Variants in MAGI1 observed in about 807,000 individuals in gnomAD.
MAGI1 encodes the protein membrane-associated guanylate kinase, WW and PDZ domain-containing protein 1.
A neutral mutation model predicts 139.9 loss-of-function variants in MAGI1; 58 were observed. That is an observed-to-expected ratio of 0.41 (90% CI 0.34 to 0.52). The LOEUF (loss-of-function observed/expected upper bound fraction) is 0.52. Ranked by LOEUF, MAGI1 falls within the 20% of genes least tolerant of loss-of-function variation. The pLI is 0.12. For synonymous variants in MAGI1, 812 were observed against 737.9 expected (o/e 1.10, Z -1.63); for missense variants, 1,874 against 1,901.6 (o/e 0.99, Z 0.27).
At chr3:65,560,424 A>G (rs562203243) in intron 2 of MAGI1, among the ~76,000 whole-genome samples, 1 of 152,284 alleles carries the variant, frequency 6.6e-6, no homozygotes, top group South Asian at 2.1e-4. Flanking sequence ...TATACCTACT[A>G]TGGACCCACG....
intron 1 of MAGI1, among the ~76,000 whole-genome samples, chr3:65,711,699 T>A (rs1001858470): frequency 6.6e-6 from 1 of 152,168 alleles, no homozygotes; most frequent in African/African-American, 2.4e-5. Flanking sequence ...AGAATGAGCA[T>A]GTATCCAGCA....
intron 1 of MAGI1, among the ~76,000 whole-genome samples, chr3:65,981,207 G>C (rs909011499): frequency 1.8e-4 from 28 of 151,628 alleles, no homozygotes; most frequent in Non-Finnish European, 3.5e-4. Flanking sequence ...AGTCACACTA[G>C]CCACATTTAT....
intron 1 of MAGI1, among the ~76,000 whole-genome samples, chr3:65,786,251 CTTTTT>C (rs3077812): frequency 2.6e-5 from 3 of 114,828 alleles, no homozygotes; most frequent in East Asian, 2.6e-4. Context: ...CCAATCATAA[CTTTTT>C]TTTTTTTTTT....
intron 1 of MAGI1, among the ~76,000 whole-genome samples, chr3:65,708,004 T>G (rs1407172940): frequency 1.3e-5 from 2 of 152,284 alleles, no homozygotes; most frequent in African/African-American, 4.8e-5. Context: ...TCTACACACT[T>G]TAAAAGCATC....
chr3:65,635,566 G>A (rs920767215), intron 1 of MAGI1, among the ~76,000 whole-genome samples: 1 of 152,168 alleles, frequency 6.6e-6, no homozygotes, highest in Non-Finnish European at 1.5e-5. Context: ...ACTCAGCCAA[G>A]GCATAAGAGC....
chr3:65,461,557 T>C (rs2107537192), intron 5 of MAGI1, among the ~76,000 whole-genome samples: 1 of 150,940 alleles, frequency 6.6e-6, no homozygotes, highest in East Asian at 2.0e-4. Flanking sequence ...GGCGTGATCT[T>C]GGCTCACTGC....
chr3:65,849,942 T>C (rs991122677), intron 1 of MAGI1, among the ~76,000 whole-genome samples: 1 of 152,196 alleles, frequency 6.6e-6, no homozygotes, highest in Non-Finnish European at 1.5e-5. Context: ...TTCTCTGAAA[T>C]GCAGATAAAT....
intron 1 of MAGI1, among the ~76,000 whole-genome samples, chr3:65,993,793 T>C (rs138739346): frequency 1.7e-4 from 26 of 152,230 alleles, no homozygotes; most frequent in Middle Eastern, 3.4e-3. Flanking sequence ...GTAAGTCAAC[T>C]TCTCCCAGGT....
intron 1 of MAGI1, among the ~76,000 whole-genome samples, chr3:66,034,731 T>C (rs186945541): frequency 2.2e-3 from 328 of 152,306 alleles, no homozygotes; most frequent in Non-Finnish European, 4.0e-3. Context: ...CAATGGAATA[T>C]TACTTAGCAA....
At chr3:65,843,180 T>G (rs77807357) in intron 1 of MAGI1, among the ~76,000 whole-genome samples, 1,876 of 152,308 alleles carry the variant, frequency 0.012, 46 homozygotes, top group African/African-American at 0.04. Flanking sequence ...AAGATTGTCT[T>G]CTGTCTTAGG....
intron 2 of MAGI1, among the ~76,000 whole-genome samples, chr3:65,533,369 T>C (rs1435199950): frequency 2.0e-5 from 3 of 152,154 alleles, no homozygotes; most frequent in Non-Finnish European, 4.4e-5. Flanking sequence ...AATCAAATAC[T>C]GAAGGAATAG....
chr3:65,446,297 C>T (rs1948668267), intron 7 of MAGI1, among the ~76,000 whole-genome samples: 1 of 152,154 alleles, frequency 6.6e-6, no homozygotes, highest in African/African-American at 2.4e-5. Flanking sequence ...ACTCTTTTGG[C>T]CCCTCTTTAT....
At chr3:65,679,364 A>G (rs1200036932) in intron 1 of MAGI1, among the ~76,000 whole-genome samples, 1 of 152,110 alleles carries the variant, frequency 6.6e-6, no homozygotes, top group African/African-American at 2.4e-5. Flanking sequence ...TCTTTGATAA[A>G]TTTCATCACT....
chr3:65,761,066 T>A (rs964155310), intron 1 of MAGI1, among the ~76,000 whole-genome samples: 4 of 152,130 alleles, frequency 2.6e-5, no homozygotes, highest in Non-Finnish European at 5.9e-5. Flanking sequence ...TACGCAGATA[T>A]CTGAGGATGA....
At chr3:65,575,906 C>T (rs1335210941) in intron 2 of MAGI1, among the ~76,000 whole-genome samples, 1 of 152,078 alleles carries the variant, frequency 6.6e-6, no homozygotes, top group African/African-American at 2.4e-5. Flanking sequence ...TCGGGAGATA[C>T]AGGGTAGAGG....
chr3:65,619,748 G>T, intron 2 of MAGI1: 1 of 518,800 alleles, frequency 1.9e-6, no homozygotes, highest in Non-Finnish European at 2.5e-6. Context: ...GTAAGCCCCA[G>T]TCTACTCATG....
chr3:65,685,120 A>C (rs2087910863), intron 1 of MAGI1, among the ~76,000 whole-genome samples: 2 of 151,870 alleles, frequency 1.3e-5, no homozygotes, highest in Non-Finnish European at 2.9e-5. Flanking sequence ...AAGGGCTCTC[A>C]CTGTATTATT....
At chr3:65,643,604 C>G (rs1465603656) in intron 1 of MAGI1, among the ~76,000 whole-genome samples, 1 of 151,952 alleles carries the variant, frequency 6.6e-6, no homozygotes, top group Non-Finnish European at 1.5e-5. Context: ...CTCATATATC[C>G]CAGAATCAGA....
At chr3:65,702,986 C>G (rs2089718939) in intron 1 of MAGI1, among the ~76,000 whole-genome samples, 1 of 151,926 alleles carries the variant, frequency 6.6e-6, no homozygotes, top group South Asian at 2.1e-4. Flanking sequence ...AAGGTACCCA[C>G]CTTCATAGAA....
Sources: allele counts gnomAD v4.1 joint callset (sites outside exome capture counted in the v4.1 genomes callset), GRCh38; gene constraint gnomAD v4.1.1; transcripts MANE v1.5; gene names NCBI Gene and HGNC (gene_info 2026-07-23, HGNC 2026-07-21).